Variants in GULP1 observed in about 807,000 individuals in gnomAD.
The protein encoded by GULP1 is PTB domain-containing engulfment adapter protein 1.
GULP1 carries 19 observed loss-of-function variants against 40.9 expected under a neutral mutation model. The observed-to-expected ratio is 0.46, with a 90% confidence interval of 0.32 to 0.68. The LOEUF is 0.68. Among genes scored for constraint, GULP1 ranks in the 30% least tolerant of loss-of-function variants. The pLI is 0.03. For missense variants in GULP1, 312 were observed against 362.2 expected (o/e 0.86, Z 1.12); for synonymous variants, 119 against 117.6 (o/e 1.01, Z -0.08).
At chr2:188,388,676 T>C (rs1413951218) in intron 2 of GULP1, among the ~76,000 whole-genome samples, 6 of 152,208 alleles carry the variant, frequency 3.9e-5, no homozygotes, top group Admixed American at 3.9e-4. Flanking sequence ...TGATCACTAT[T>C]TGCTGAACCC....
intron 1 of GULP1, among the ~76,000 whole-genome samples, chr2:188,383,175 T>A (rs1574896448): frequency 1.3e-5 from 2 of 152,302 alleles, no homozygotes; most frequent in East Asian, 3.9e-4. Flanking sequence ...AAGACATAAT[T>A]TGTGCTGTTG....
At chr2:188,360,206 C>T (rs2045906780) in intron 1 of GULP1, among the ~76,000 whole-genome samples, 1 of 152,002 alleles carries the variant, frequency 6.6e-6, no homozygotes, top group African/African-American at 2.4e-5. Flanking sequence ...TAAACAGTGC[C>T]ACTCATGACT....
intron 9 of GULP1, among the ~76,000 whole-genome samples, chr2:188,575,497 A>G (rs1218029452): frequency 2.6e-5 from 4 of 152,232 alleles, no homozygotes; most frequent in African/African-American, 9.6e-5. Flanking sequence ...ATAAAACAAA[A>G]TAGAGCAGAA....
chr2:188,337,046 G>A (rs375967312), intron 1 of GULP1, among the ~76,000 whole-genome samples: 3 of 152,116 alleles, frequency 2.0e-5, no homozygotes, highest in East Asian at 3.9e-4. Flanking sequence ...TAGTTTCCCA[G>A]AATAGAAACC....
intron 9 of GULP1, among the ~76,000 whole-genome samples, chr2:188,577,797 C>T (rs1700452128): frequency 6.6e-6 from 1 of 151,970 alleles, no homozygotes. Context: ...GAAGTCATTA[C>T]CTTTAAACTT....
At chr2:188,361,966 T>G (rs993418589) in intron 1 of GULP1, among the ~76,000 whole-genome samples, 4 of 152,092 alleles carry the variant, frequency 2.6e-5, no homozygotes, top group African/African-American at 9.7e-5. Context: ...AAATGTTTTT[T>G]GTAAATACTG....
In GULP1 at chr2:188,506,935, A is replaced by C. The variant is rs186459723; in HGVS notation, c.91-15821A>C. ...AACCACAACCTGAACTTCTCCCAGA[A>C]AGTGTGTTTACAGCAGCAAGCCAAA... is the stretch of plus-strand genomic sequence containing the variant. On this transcript the variant is annotated intron_variant, in intron 4 of 11. Transcript: ENST00000409830. 5.9e-5 allele frequency among the ~76,000 whole-genome samples: 9 copies of C among 152,072 alleles called. No individual in the cohort carries two copies. The East Asian group carries it at 1.2e-3, about 20-fold the overall frequency.
chr2:188,334,351 A>G (rs13418323), intron 1 of GULP1, among the ~76,000 whole-genome samples: 3,410 of 152,282 alleles, frequency 0.022, 137 homozygotes, highest in African/African-American at 0.078. Flanking sequence ...GAGGAAATGG[A>G]GAGCCTACTG....
chr2:188,356,103 A>G (rs2045274402), intron 1 of GULP1, among the ~76,000 whole-genome samples: 1 of 152,088 alleles, frequency 6.6e-6, no homozygotes, highest in African/African-American at 2.4e-5. Flanking sequence ...GAAAAGCTAA[A>G]TTATTTTACC....
At chr2:188,580,674 C>A (rs1475268402) in intron 9 of GULP1, among the ~76,000 whole-genome samples, 1 of 151,796 alleles carries the variant, frequency 6.6e-6, no homozygotes, top group Non-Finnish European at 1.5e-5. Context: ...CACACTGAAC[C>A]CTTCCCTCAA....
intron 1 of GULP1, among the ~76,000 whole-genome samples, chr2:188,373,300 A>G (rs1033431429): frequency 2.0e-5 from 3 of 151,928 alleles, no homozygotes; most frequent in Non-Finnish European, 2.9e-5. Flanking sequence ...TGAGGGAGCA[A>G]TGAAGAAAAA....
intron 4 of GULP1, among the ~76,000 whole-genome samples, chr2:188,500,450 T>C (rs2063329964): frequency 1.3e-5 from 2 of 151,924 alleles, no homozygotes; most frequent in Admixed American, 1.3e-4. Context: ...ACACCAGCTG[T>C]GGCAGTGTTA....
chr2:188,529,219 G>C, intron 6 of GULP1, 24 bp downstream of exon 6: 2 of 1,080,594 alleles, frequency 1.9e-6, no homozygotes, highest in Non-Finnish European at 2.8e-6. Flanking sequence ...TTTAATGTTA[G>C]AGGCAATCTT....
At chr2:188,369,919 C>T (rs779076917) in intron 1 of GULP1, among the ~76,000 whole-genome samples, 3 of 152,120 alleles carry the variant, frequency 2.0e-5, no homozygotes, top group East Asian at 1.9e-4. Flanking sequence ...TCATGGCTCA[C>T]GTCAGTCTTG....
chr2:188,439,241 A>G (rs748078746), intron 2 of GULP1, among the ~76,000 whole-genome samples: 29 of 152,158 alleles, frequency 1.9e-4, no homozygotes, highest in Non-Finnish European at 4.3e-4. Context: ...ATTAAAATTT[A>G]AAACATCAAT....
intron 1 of GULP1, among the ~76,000 whole-genome samples, chr2:188,346,470 A>G (rs895097560): frequency 1.3e-5 from 2 of 152,044 alleles, no homozygotes; most frequent in African/African-American, 2.4e-5. Flanking sequence ...TTTTACAACA[A>G]TAATCTCTTT....
chr2:188,485,048 A>G (rs1348278672), intron 4 of GULP1, among the ~76,000 whole-genome samples: 2 of 152,088 alleles, frequency 1.3e-5, no homozygotes, highest in Admixed American at 1.3e-4. Flanking sequence ...TACTGAAAAA[A>G]TTTTAATCTG....
chr2:188,574,824 T>C (rs932068697), intron 9 of GULP1, among the ~76,000 whole-genome samples: 4 of 152,182 alleles, frequency 2.6e-5, no homozygotes, highest in Non-Finnish European at 4.4e-5. Flanking sequence ...GATGTTGATA[T>C]CCTTATTCTA....
chr2:188,540,568 T>C (rs1249423120), intron 6 of GULP1, among the ~76,000 whole-genome samples: 1 of 152,006 alleles, frequency 6.6e-6, no homozygotes, highest in African/African-American at 2.4e-5. Flanking sequence ...ATTCATTTAT[T>C]GCTTCATGAA....
Sources: gnomAD v4.1 joint callset for allele counts (sites outside exome capture counted in the v4.1 genomes callset) on GRCh38, gnomAD v4.1.1 for gene constraint, MANE v1.5 for transcripts, NCBI Gene and HGNC (gene_info 2026-07-23, HGNC 2026-07-21) for gene names.